Variants in PHACTR4 observed in about 807,000 individuals in gnomAD.
The protein encoded by PHACTR4 is protein phosphatase 1, regulatory subunit 124.
A neutral mutation model predicts 72.7 loss-of-function variants in PHACTR4; 51 were observed. The ratio of observed to expected loss-of-function variants is 0.70; its 90% CI spans 0.56 to 0.89. The LOEUF (loss-of-function observed/expected upper bound fraction) is 0.89, where lower values mean the gene tolerates loss of function less well. PHACTR4 is among the 40% of genes least tolerant of loss of function. The pLI is 0.00. For missense variants in PHACTR4, 731 were observed against 861.8 expected (o/e 0.85, Z 1.90); for synonymous variants, 255 against 302.5 (o/e 0.84, Z 1.63).
chr1:28,370,897 C>T (rs2124081394), intron 1 of PHACTR4, among the ~76,000 whole-genome samples: 1 of 152,106 alleles, frequency 6.6e-6, no homozygotes, highest in South Asian at 2.1e-4. Flanking sequence ...CGCGACCAGC[C>T]TGGGCAACAC....
At position 28,407,394 on chromosome 1, in the gene PHACTR4, C is replaced by A; in HGVS notation, c.-38-16C>A. ...TATATGTATTAAGTGTATCATTTACCTTTTTCTCTTTTTAGAAACAGTATC... is the reference window on the plus strand; with the variant it reads ...TATATGTATTAAGTGTATCATTTACATTTTTCTCTTTTTAGAAACAGTATC... On this transcript the variant is annotated splice_polypyrimidine_tract_variant and intron_variant, in intron 1 of 13. Coordinates refer to ENST00000373839, the MANE Select transcript of PHACTR4 (RefSeq NM_001048183.3). 6.8e-7 allele frequency: 1 copy of A among 1,480,874 alleles called. No homozygotes were observed. Among genetic ancestry groups the A allele is most frequent in the Non-Finnish European group, 9.4e-7 (1 of 1,068,014 alleles). The allele number at this position is 1,480,874 out of a possible 1,614,324, so 91.7% of individuals were successfully genotyped here.
At chr1:28,480,409 T>G (rs1168204677) in intron 8 of PHACTR4, 42 bp from the exon 9 acceptor site, 2 of 1,609,018 alleles carry the variant, frequency 1.2e-6, no homozygotes, top group South Asian at 2.2e-5. Flanking sequence ...CCTTTGGCTT[T>G]AAGCCTCAAG....
chr1:28,454,393 C>T (rs1308067056), intron 2 of PHACTR4, among the ~76,000 whole-genome samples: 1 of 150,640 alleles, frequency 6.6e-6, no homozygotes, highest in East Asian at 2.0e-4. Flanking sequence ...TCTCCTGCCT[C>T]AGCCTCCCTA....
chr1:28,456,916 CAGAT>C (rs67017920), intron 2 of PHACTR4, among the ~76,000 whole-genome samples: 91,949 of 150,666 alleles, frequency 0.61, 29,498 homozygotes, highest in East Asian at 0.96. Flanking sequence ...GATAGAGAGA[CAGAT>C]AGATAGATAG....
intron 1 of PHACTR4, among the ~76,000 whole-genome samples, chr1:28,378,952 T>G (rs1651920269): frequency 6.6e-6 from 1 of 152,134 alleles, no homozygotes; most frequent in South Asian, 2.1e-4. Context: ...TTTTTATTTA[T>G]GTATGTATTT....
At chr1:28,495,252 C>T in intron 13 of PHACTR4, among the ~76,000 whole-genome samples, 1 of 152,104 alleles carries the variant, frequency 6.6e-6, no homozygotes, top group East Asian at 1.9e-4. Context: ...AAGTCTCTGT[C>T]CTCAATGAGG....
chr1:28,487,727 G>GTTTTTTTTT lies in PHACTR4; in HGVS notation c.1761-1425_1761-1417dup, dbSNP rs780028378. On this transcript the variant is annotated intron_variant, in intron 9 of 13. Transcript: ENST00000373839. ...AAATGACAAATTGTAGTTTTTTGTT[G>GTTTTTTTTT]TTTTTTTTTTTTTTTTTTTTTTTTT... Among the ~76,000 whole-genome samples the GTTTTTTTTT allele has an allele frequency of 5.1e-4, 32 of 63,308 alleles. 3 individuals carry two copies. The highest frequency in any genetic ancestry group is 1.3e-3 in the African/African-American group (23 of 17,970). 41.5% of individuals were successfully genotyped at this position (63,308 alleles called of 152,430 possible).
At position 28,491,029 on chromosome 1, in the gene PHACTR4, G is replaced by A. The variant is rs1285835002; in HGVS notation, c.1878+17G>A. The A allele has an allele frequency of 6.2e-7, 1 of 1,607,108 alleles. No individual in the cohort carries two copies. Among genetic ancestry groups the A allele is most frequent in the Non-Finnish European group, 8.5e-7 (1 of 1,173,868 alleles). ...ACTAGAAAGGTACTACTGCCTGTGT[G>A]TTCAGTTAACTATATGTGTTATATT... On this transcript the variant is annotated intron_variant, in intron 11 of 13. Coordinates refer to ENST00000373839, the MANE Select transcript of PHACTR4 (RefSeq NM_001048183.3).
chr1:28,403,061 A>G (rs976262440), intron 1 of PHACTR4, among the ~76,000 whole-genome samples: 9 of 152,222 alleles, frequency 5.9e-5, no homozygotes, highest in African/African-American at 1.2e-4. Flanking sequence ...AAGGTATCAG[A>G]TGGCTGGCAA....
intron 2 of PHACTR4, among the ~76,000 whole-genome samples, chr1:28,447,382 C>G (rs1657560129): frequency 6.7e-6 from 1 of 149,606 alleles, no homozygotes; most frequent in Admixed American, 6.7e-5. Context: ...TATGTATTTC[C>G]TCTTTCTTTT....
At position 28,476,224 on chromosome 1, in the gene PHACTR4, G is replaced by A; in HGVS notation, c.1539G>A (p.Glu513=). 1 of 1,607,386 alleles carries A rather than the reference G, an allele frequency of 6.2e-7. No individual in the cohort carries two copies. Among genetic ancestry groups the A allele is most frequent in the Non-Finnish European group, 8.5e-7 (1 of 1,176,340 alleles). The change falls in exon 8 of 14, where the codon GAG becomes GAA. Residue 513 remains glutamate, a synonymous_variant. Transcript: ENST00000373839. ...GTCTACGGGAGGAAGAAGAGAAGGA[G>A]AGCGACTCTGATTCAGAAGGTCCCA... ...PQCLREEEEK[E]SDSDSEGPIQ...
intron 6 of PHACTR4, among the ~76,000 whole-genome samples, chr1:28,472,525 G>A (rs1473215549): frequency 6.6e-6 from 1 of 152,098 alleles, no homozygotes; most frequent in East Asian, 1.9e-4. Flanking sequence ...ACCATTATCA[G>A]GATATGGTAA....
At chr1:28,475,997 G>A in intron 7 of PHACTR4, 110 bp from the exon 8 acceptor site, 1 of 1,039,478 alleles carries the variant, frequency 9.6e-7, no homozygotes, top group Non-Finnish European at 1.3e-6. Flanking sequence ...CAAAGTGCTG[G>A]GATTACAGCC....
chr1:28,371,783 G>GT (rs1651267745), intron 1 of PHACTR4, among the ~76,000 whole-genome samples: 1 of 151,938 alleles, frequency 6.6e-6, no homozygotes, highest in Non-Finnish European at 1.5e-5. Context: ...AAAAATTTTT[G>GT]TATTGATTGG....
chr1:28,492,909 G>C, intron 12 of PHACTR4, 106 bp from the exon 13 acceptor site: 2 of 900,536 alleles, frequency 2.2e-6, no homozygotes, highest in South Asian at 1.5e-5. Context: ...GCCTGTGAGG[G>C]GTTGCAGTGA....
chr1:28,488,123 T>G (rs1660816082), intron 9 of PHACTR4, among the ~76,000 whole-genome samples: 1 of 152,150 alleles, frequency 6.6e-6, no homozygotes, highest in South Asian at 2.1e-4. Context: ...AGACTGAGAT[T>G]TAAATCATAG....
At chr1:28,428,896 G>A (rs779995275) in intron 2 of PHACTR4, among the ~76,000 whole-genome samples, 1 of 152,208 alleles carries the variant, frequency 6.6e-6, no homozygotes, top group East Asian at 1.9e-4. Context: ...TGAAGTGCAT[G>A]TAAGTAAAGT....
At chr1:28,458,500 A>G (rs113594232) in intron 2 of PHACTR4, among the ~76,000 whole-genome samples, 114 of 152,126 alleles carry the variant, frequency 7.5e-4, no homozygotes, top group African/African-American at 2.7e-3. Flanking sequence ...TCTCACCTCT[A>G]CTTTCTGAAA....
intron 9 of PHACTR4, among the ~76,000 whole-genome samples, chr1:28,481,664 C>T (rs1293712982): frequency 6.6e-6 from 1 of 151,692 alleles, no homozygotes; most frequent in African/African-American, 2.4e-5. Flanking sequence ...GTGGCATGCG[C>T]CTATAGTCCC....
Sources: allele counts gnomAD v4.1 joint callset (sites outside exome capture counted in the v4.1 genomes callset), GRCh38; gene constraint gnomAD v4.1.1; transcripts MANE v1.5; gene names NCBI Gene and HGNC (gene_info 2026-07-23, HGNC 2026-07-21).